The following BIRC5 variants were observed in gnomAD, a reference collection of about 807,000 sequenced individuals.
The protein encoded by BIRC5 is baculoviral IAP repeat-containing protein 5.
In BIRC5, 8 loss-of-function variants were observed where a neutral mutation model predicts 15.8. The observed-to-expected ratio is 0.51, with a 90% CI of 0.30 to 0.91. The LOEUF is 0.91. BIRC5 is among the 40% of genes least tolerant of loss of function. BIRC5 has a pLI of 0.07. For missense variants in BIRC5, 163 were observed against 178.6 expected, an observed-to-expected ratio of 0.91 and a Z score of 0.50; for synonymous variants, 56 against 64.5, an observed-to-expected ratio of 0.87 and a Z score of 0.63.
chr17:78,216,065 C>T (rs776207933), intron 2 of BIRC5: 1 of 738,518 alleles, frequency 1.4e-6, no homozygotes, highest in Non-Finnish European at 1.7e-6. Context: ...TTGGCTAATA[C>T]GGTGAAACCC....
chr17:78,219,683 A>G (rs1379609393), intron 3 of BIRC5, among the ~76,000 whole-genome samples: 2 of 152,132 alleles, frequency 1.3e-5, no homozygotes, highest in Admixed American at 6.5e-5. Context: ...CGTGCCATAG[A>G]CCATCTCTTA....
intron 3 of BIRC5, among the ~76,000 whole-genome samples, chr17:78,221,745 T>C (rs192908203): frequency 1.4e-4 from 21 of 152,314 alleles, no homozygotes; most frequent in Non-Finnish European, 2.4e-4. Context: ...AATTATAGCA[T>C]GTATGCAAAG....
intron 3 of BIRC5, among the ~76,000 whole-genome samples, 199 bp from the exon 4 acceptor site, chr17:78,223,266 G>A: frequency 6.6e-6 from 1 of 152,212 alleles, no homozygotes; most frequent in Non-Finnish European, 1.5e-5. Context: ...TCGATGATTA[G>A]GAGGCAGCTT....
At chr17:78,215,164 C>T (rs1044618730) in intron 2 of BIRC5, 1 of 177,792 alleles carries the variant, frequency 5.6e-6, no homozygotes, top group African/African-American at 2.4e-5. Flanking sequence ...AAAGTGTGCA[C>T]TTCACACTTT....
rs1258418373 is a variant in BIRC5, at chr17:78,216,674, A to G, written c.232A>G (p.Lys78Glu). 5 of 1,613,472 alleles carry G rather than the reference A, an allele frequency of 3.1e-6. No homozygotes were observed. The African/African-American group carries it at 5.3e-5, about 17-fold the overall frequency. The change falls in exon 3 of 4, where the codon AAA becomes GAA. Residue 78 changes from lysine (K) to glutamate (E), a missense_variant. Lys to Glu is a moderately conservative substitution (Grantham distance 56, BLOSUM62 1). Transcript: ENST00000350051. ...TTTTGATTTTTCTAGAGAGGAACAT[A>G]AAAAGCATTCGTCCGGTTGCGCTTT... ...EPDDDPIEEH[K>E]KHSSGCAFLS...
chr17:78,216,248 CAAAA>C (rs55850455), intron 2 of BIRC5: 9 of 89,984 alleles, frequency 1.0e-4, no homozygotes, highest in South Asian at 3.1e-4. Flanking sequence ...GACTCCGTCT[CAAAA>C]AAAAAAAAAA....
At chr17:78,222,962 TG>T in intron 3 of BIRC5, 1 of 1,512,198 alleles carries the variant, frequency 6.6e-7, no homozygotes. Flanking sequence ...AGGAAGGCTC[TG>T]GACTTTCCTC....
intron 3 of BIRC5, 98 bp downstream of exon 3, chr17:78,216,879 CATTT>C: frequency 1.1e-6 from 1 of 907,558 alleles, no homozygotes. Flanking sequence ...CCTCAGGAAG[CATTT>C]TTTTTTTTTT....
rs2076530091 is a variant in BIRC5 at position 78,223,659 on chromosome 17, A to G, written c.*105A>G. On this transcript the variant is annotated 3_prime_UTR_variant, in exon 4 of 4. Coordinates refer to ENST00000350051, the MANE Select transcript of BIRC5 (RefSeq NM_001168.3). The stretch of plus-strand genomic sequence containing the variant: ...GTGGGCCCCTTAGCAATGTCTTAGG[A>G]AAGGAGATCAACATTTTCAAATTAG... 1 of 1,547,706 alleles carries G rather than the reference A, an allele frequency of 6.5e-7. No individual in the cohort carries two copies. The highest frequency in any genetic ancestry group is 8.7e-7 in the Non-Finnish European group (1 of 1,146,144).
In BIRC5 at chr17:78,223,335, T is replaced by C. The variant is rs1006806849; in HGVS notation, c.340-130T>C. 21 of 874,060 alleles carry C rather than the reference T, an allele frequency of 2.4e-5. 1 individual carries two copies. In the African/African-American group the frequency reaches 3.4e-4, roughly 14 times the overall value. 54.1% of individuals were successfully genotyped at this position (874,060 alleles called of 1,614,324 possible). A position where few individuals can be genotyped will look rare whatever the true frequency, so the allele number is the denominator to read the frequency against. ...TGTCCCAGGTAGCTGGGAATCTGCC[T>C]AGCCCAGTGCCCAGTTTATTTAGGT... On this transcript the variant is annotated intron_variant, in intron 3 of 3. Coordinates refer to ENST00000350051, the MANE Select transcript of BIRC5 (RefSeq NM_001168.3).
Position 78,224,760 on chromosome 17 carries a change from C to T in BIRC5, c.*1206C>T, listed in dbSNP as rs567125434. ...GTCAGTTTTTCATCGTCGTCCCTAGCCTGCCAACAGCCATCTGCCCAGACA... is the reference window on the plus strand; with the variant it reads ...GTCAGTTTTTCATCGTCGTCCCTAGTCTGCCAACAGCCATCTGCCCAGACA... On this transcript the variant is annotated 3_prime_UTR_variant, in exon 4 of 4. Coordinates refer to ENST00000350051, the MANE Select transcript of BIRC5 (RefSeq NM_001168.3). 6.6e-6 allele frequency: 1 copy of T among 152,350 alleles called. No homozygotes were observed. Among genetic ancestry groups the T allele is most frequent in the South Asian group, 2.1e-4 (1 of 4,826 alleles). 9.4% of individuals were successfully genotyped at this position (152,350 alleles called of 1,614,324 possible). A position where few individuals can be genotyped will look rare whatever the true frequency, so the allele number is the denominator to read the frequency against.
chr17:78,216,491 T>A, intron 2 of BIRC5, 173 bp from the exon 3 acceptor site: 1 of 608,164 alleles, frequency 1.6e-6, no homozygotes, highest in Non-Finnish European at 3.0e-6. Flanking sequence ...AGAGGTGCCA[T>A]ATGGGAATGT....
chr17:78,215,809 A>C (rs2076473467), intron 2 of BIRC5, among the ~76,000 whole-genome samples: 2 of 152,170 alleles, frequency 1.3e-5, no homozygotes, highest in South Asian at 4.2e-4. Context: ...GTCTTTTTGG[A>C]CTTTGTGTGG....
chr17:78,216,571 G>C, intron 2 of BIRC5, 93 bp from the exon 3 acceptor site: 2 of 1,004,378 alleles, frequency 2.0e-6, no homozygotes, highest in Admixed American at 3.6e-5. Context: ...AGCAGGGTGT[G>C]CCTGTGGAGG....
intron 3 of BIRC5, 139 bp downstream of exon 3, chr17:78,216,920 C>T: frequency 1.7e-6 from 1 of 589,730 alleles, no homozygotes. Context: ...ACTCTTGTTG[C>T]CCAGGCTGGA....
At chr17:78,219,199 A>G in intron 3 of BIRC5, among the ~76,000 whole-genome samples, 1 of 151,776 alleles carries the variant, frequency 6.6e-6, no homozygotes, top group South Asian at 2.1e-4. Context: ...CTTTATTTTA[A>G]TTTGAGACAG....
intron 3 of BIRC5, among the ~76,000 whole-genome samples, chr17:78,221,376 C>T (rs1019733443): frequency 2.6e-5 from 4 of 151,866 alleles, no homozygotes; most frequent in Admixed American, 2.6e-4. Flanking sequence ...CTCAGCCTCC[C>T]AGTAGCTGGG....
rs1228027880 is a variant in BIRC5, at chr17:78,214,668, T to G, written c.112-12T>G. 6.3e-7 allele frequency: 1 copy of G among 1,592,420 alleles called. No individual in the cohort carries two copies. Among genetic ancestry groups the G allele is most frequent in the Admixed American group, 1.7e-5 (1 of 57,214 alleles). Reference sequence around the variant, plus strand: ...TGCCACGTCCACTCACGAGCTGTGCTGTCCCTTGCAGATGGCCGAGGCTGG... The same window carrying G: ...TGCCACGTCCACTCACGAGCTGTGCGGTCCCTTGCAGATGGCCGAGGCTGG... On this transcript the variant is annotated splice_polypyrimidine_tract_variant and intron_variant, in intron 1 of 3. Coordinates refer to ENST00000350051, the MANE Select transcript of BIRC5 (RefSeq NM_001168.3).
Position 78,225,469 on chromosome 17 carries a change from T to A in BIRC5, c.*1915T>A, listed in dbSNP as rs2076543840. On this transcript the variant is annotated 3_prime_UTR_variant, in exon 4 of 4. Transcript: ENST00000350051. ...TTCTGGGCTATGGGTGAGGTTCCAA[T>A]GGCAGGTTAGAGCCCCTCGGGCCAA... 1 of 152,212 alleles carries A rather than the reference T, an allele frequency of 6.6e-6. No homozygotes were observed. The highest frequency in any genetic ancestry group is 1.9e-4 in the East Asian group (1 of 5,198). 9.4% of individuals were successfully genotyped at this position (152,212 alleles called of 1,614,324 possible).
Sources: gnomAD v4.1 joint callset for allele counts (sites outside exome capture counted in the v4.1 genomes callset) on GRCh38, gnomAD v4.1.1 for gene constraint, MANE v1.5 for transcripts, NCBI Gene and HGNC (gene_info 2026-07-23, HGNC 2026-07-21) for gene names.